PRKAG2: variants seen among roughly 807,000 people sequenced by gnomAD.
PRKAG2 encodes the protein protein kinase AMP-activated non-catalytic subunit gamma 2.
A neutral mutation model predicts 69.6 loss-of-function variants in PRKAG2; 26 were observed. That is an observed-to-expected ratio of 0.37 (90% confidence interval 0.27 to 0.52). The LOEUF is 0.52. Among genes scored for constraint, PRKAG2 ranks in the 20% least tolerant of loss-of-function variants. The pLI, the probability that PRKAG2 is intolerant of heterozygous loss-of-function variation, is 0.90. For synonymous variants in PRKAG2, 293 were observed against 285.0 expected, an observed-to-expected ratio of 1.03 and a Z score of -0.28; for missense variants, 557 against 740.0, an observed-to-expected ratio of 0.75 and a Z score of 2.87.
At chr7:151,647,619 C>G (rs1018209976) in intron 4 of PRKAG2, among the ~76,000 whole-genome samples, 1 of 152,038 alleles carries the variant, frequency 6.6e-6, no homozygotes, top group South Asian at 2.1e-4. Context: ...AGAGGAAGAG[C>G]CTGAAGGTCA....
chr7:151,693,655 A>G (rs991062891), intron 3 of PRKAG2, among the ~76,000 whole-genome samples: 6 of 152,162 alleles, frequency 3.9e-5, no homozygotes, highest in Non-Finnish European at 7.3e-5. Context: ...CTTATGTTGA[A>G]TTCTACCCGC....
chr7:151,834,613 G>C (rs79707330), intron 1 of PRKAG2, among the ~76,000 whole-genome samples: 33,041 of 152,162 alleles, frequency 0.22, 4,119 homozygotes, highest in Middle Eastern at 0.32. Context: ...GGAACACCCA[G>C]CACTACCCCT....
In PRKAG2 at chr7:151,672,588, T is replaced by C. The variant is rs191206160; in HGVS notation, c.684+2832A>G. Among the ~76,000 whole-genome samples, 365 of 152,100 alleles carry C rather than the reference T, an allele frequency of 2.4e-3. 3 individuals are homozygous for C. The highest frequency in any genetic ancestry group is 8.6e-3 in the African/African-American group (356 of 41,498). Reference sequence around the variant, plus strand: ...CCACCATTCTACATTCCGTCTCTATTTGGATGACTCTAGGGACTCCTATAA... The same window carrying C: ...CCACCATTCTACATTCCGTCTCTATCTGGATGACTCTAGGGACTCCTATAA... On this transcript the variant is annotated intron_variant, in intron 4 of 15. Transcript: ENST00000287878.
chr7:151,873,223 C>T (rs1246100147), intron 1 of PRKAG2, among the ~76,000 whole-genome samples: 1 of 152,186 alleles, frequency 6.6e-6, no homozygotes, highest in South Asian at 2.1e-4. Flanking sequence ...CCCTCCCGCC[C>T]GATTCTGTGG....
chr7:151,569,236 C>G (rs545828359), intron 10 of PRKAG2, among the ~76,000 whole-genome samples: 1 of 152,172 alleles, frequency 6.6e-6, no homozygotes, highest in Admixed American at 6.5e-5. Context: ...GGTTTTGCCA[C>G]GTTGCCCAGG....
intron 1 of PRKAG2, among the ~76,000 whole-genome samples, chr7:151,839,889 CGGCAGAGGAAGCTGAGCAGGGT>C: frequency 6.6e-6 from 1 of 152,150 alleles, no homozygotes; most frequent in Admixed American, 6.5e-5. Flanking sequence ...CTGAGCAGGG[CGGCAGAGGAAGCTGAGCAGGGT>C]GGCAGCTCCC....
intron 1 of PRKAG2, among the ~76,000 whole-genome samples, chr7:151,833,332 G>A (rs997243711): frequency 3.3e-5 from 5 of 152,144 alleles, no homozygotes; most frequent in South Asian, 2.1e-4. Context: ...AGTGTGCAGC[G>A]GGAAGGGTTC....
intron 4 of PRKAG2, among the ~76,000 whole-genome samples, chr7:151,645,001 CTATT>C (rs1295199447): frequency 3.3e-5 from 5 of 151,678 alleles, no homozygotes; most frequent in African/African-American, 2.4e-5. Context: ...CATCTTTTGT[CTATT>C]TATTTATTAG....
At position 151,719,260 on chromosome 7, in the gene PRKAG2, C is replaced by T. The variant is rs570415196; in HGVS notation, c.467-43623G>A. On this transcript the variant is annotated intron_variant, in intron 3 of 15. Coordinates refer to ENST00000287878, the MANE Select transcript of PRKAG2 (RefSeq NM_016203.4). This position sits in a 1 kb window ranked among gnomAD's most constrained non-coding sequence, Gnocchi z 5.2. The stretch of plus-strand genomic sequence containing the variant: ...GTCTCTGCAACATGCTTCCCGGCCC[C>T]GGCACGCTCAGCCCTGGTCCAACTT... Among the ~76,000 whole-genome samples, 169 of 152,260 alleles carry T rather than the reference C, an allele frequency of 1.1e-3. No homozygotes were observed. The highest frequency in any genetic ancestry group is 3.3e-3 in the African/African-American group (139 of 41,556).
At chr7:151,695,390 C>G (rs2151545081) in intron 3 of PRKAG2, among the ~76,000 whole-genome samples, 1 of 152,280 alleles carries the variant, frequency 6.6e-6, no homozygotes, top group Non-Finnish European at 1.5e-5. Flanking sequence ...GCCAAATGCC[C>G]TCAGGTGCAT....
chr7:151,700,881 C>T (rs1183688068), intron 3 of PRKAG2, among the ~76,000 whole-genome samples: 1 of 152,248 alleles, frequency 6.6e-6, no homozygotes, highest in Non-Finnish European at 1.5e-5. Flanking sequence ...AGAGGTCAAA[C>T]ATCCATGCAG....
chr7:151,699,389 C>T lies in PRKAG2; in HGVS notation c.467-23752G>A, dbSNP rs183415198. 1.3e-5 allele frequency among the ~76,000 whole-genome samples: 2 copies of T among 152,262 alleles called. No homozygotes were observed. The highest frequency in any genetic ancestry group is 6.5e-5 in the Admixed American group (1 of 15,296). On this transcript the variant is annotated intron_variant, in intron 3 of 15. Coordinates refer to ENST00000287878, the MANE Select transcript of PRKAG2 (RefSeq NM_016203.4). This position sits in a 1 kb window ranked among gnomAD's most constrained non-coding sequence, Gnocchi z 4.5. ...GTTACGATCCGGTTACATCTCAGCC[C>T]CCTGCTGAGAAAGAGGCGCTAAGGT...
At chr7:151,623,231 G>C (rs1585296957) in intron 5 of PRKAG2, among the ~76,000 whole-genome samples, 2 of 152,034 alleles carry the variant, frequency 1.3e-5, no homozygotes, top group East Asian at 3.9e-4. Flanking sequence ...GGGCATGGTG[G>C]CAAGTGTCTG....
chr7:151,631,324 A>G (rs944716989), intron 5 of PRKAG2, among the ~76,000 whole-genome samples: 2 of 152,236 alleles, frequency 1.3e-5, no homozygotes, highest in African/African-American at 4.8e-5. Flanking sequence ...GCGTAAGAGC[A>G]AGCTCATCCC....
At chr7:151,576,505 T>C in intron 6 of PRKAG2, 53 bp from the exon 7 acceptor site, 1 of 1,458,092 alleles carries the variant, frequency 6.9e-7, no homozygotes, top group Non-Finnish European at 9.5e-7. Context: ...GGAAGAAAAA[T>C]ACCTTTTTTT....
intron 5 of PRKAG2, among the ~76,000 whole-genome samples, chr7:151,625,323 G>C (rs138752154): frequency 6.6e-6 from 1 of 152,134 alleles, no homozygotes; most frequent in Non-Finnish European, 1.5e-5. Flanking sequence ...GCCTGGAGGA[G>C]CAAGGCAGTT....
chr7:151,808,269 G>T (rs2078224390), intron 1 of PRKAG2, among the ~76,000 whole-genome samples: 1 of 152,176 alleles, frequency 6.6e-6, no homozygotes, highest in Non-Finnish European at 1.5e-5. Context: ...GAACCGCAGT[G>T]CCTCGGCATT....
intron 5 of PRKAG2, among the ~76,000 whole-genome samples, chr7:151,618,207 C>A (rs577684450): frequency 1.1e-4 from 16 of 152,212 alleles, no homozygotes; most frequent in African/African-American, 3.9e-4. Flanking sequence ...AATTCCAACA[C>A]TTTGGGAGGC....
chr7:151,857,613 T>C (rs766245818), intron 1 of PRKAG2, among the ~76,000 whole-genome samples: 1 of 152,186 alleles, frequency 6.6e-6, no homozygotes, highest in Non-Finnish European at 1.5e-5. Flanking sequence ...GCCAACGGCC[T>C]CTGCTGTGCA....
Sources: allele counts gnomAD v4.1 joint callset (sites outside exome capture counted in the v4.1 genomes callset), GRCh38; gene constraint gnomAD v4.1.1; non-coding constraint Gnocchi (gnomAD v3.1); transcripts MANE v1.5; gene names NCBI Gene and HGNC (gene_info 2026-07-23, HGNC 2026-07-21).